The following BRWD3 variants were observed in gnomAD, a reference collection of about 807,000 sequenced individuals.
The protein encoded by BRWD3 is bromodomain and WD repeat-containing protein 3.
A neutral mutation model predicts 149.7 loss-of-function variants in BRWD3; 10 were observed. That is an observed-to-expected ratio of 0.07 (90% confidence interval 0.04 to 0.11). The LOEUF is 0.11. BRWD3 is among the 10% of genes least tolerant of loss of function. BRWD3 has a pLI of 1.00. For synonymous variants in BRWD3, 504 were observed against 456.7 expected (o/e 1.10, Z -1.32); for missense variants, 940 against 1,373.2 (o/e 0.68, Z 4.99).
intron 40 of BRWD3, among the ~76,000 whole-genome samples, chrX:80,678,772 A>G (rs1376730974): frequency 8.9e-6 from 1 of 111,846 alleles, no homozygotes; most frequent in Non-Finnish European, 1.9e-5. Context: ...AGGGCTGTAG[A>G]TAATTACAAG....
chrX:80,772,764 T>C (rs1374709073), intron 6 of BRWD3, among the ~76,000 whole-genome samples: 1 of 111,690 alleles, frequency 9.0e-6, no homozygotes, highest in Admixed American at 9.5e-5. Context: ...AAATGAAAGT[T>C]TGCGTTCACA....
intron 12 of BRWD3, among the ~76,000 whole-genome samples, chrX:80,730,388 C>CG (rs2073307460): frequency 3.2e-5 from 1 of 31,210 alleles, no homozygotes; most frequent in African/African-American, 1.2e-4. Context: ...TATTATTTAG[C>CG]AAAAGAAAGA....
chrX:80,680,757 T>A (rs923202307), intron 40 of BRWD3, among the ~76,000 whole-genome samples: 1 of 111,063 alleles, frequency 9.0e-6, no homozygotes, highest in Admixed American at 9.6e-5. Flanking sequence ...TGTGTCTTCA[T>A]GTGCTTGGGG....
chrX:80,774,842 A>G (rs917722134), intron 6 of BRWD3, among the ~76,000 whole-genome samples: 1 of 111,372 alleles, frequency 9.0e-6, no homozygotes, highest in Non-Finnish European at 1.9e-5. Context: ...TTTTCTGTCT[A>G]TATCTATAGT....
chrX:80,737,648 G>A (rs1031942837), intron 8 of BRWD3, among the ~76,000 whole-genome samples: 3 of 111,702 alleles, frequency 2.7e-5, no homozygotes, highest in African/African-American at 6.5e-5. Context: ...GAGACTGGCC[G>A]ATATGGCAAA....
chrX:80,679,312 G>C (rs929180230), intron 40 of BRWD3, among the ~76,000 whole-genome samples: 5 of 112,296 alleles, frequency 4.5e-5, no homozygotes, highest in African/African-American at 1.3e-4. Context: ...GATAAATGAA[G>C]AGTCAAAAAA....
chrX:80,771,677 G>A (rs1569281801), intron 6 of BRWD3, among the ~76,000 whole-genome samples: 2 of 111,688 alleles, frequency 1.8e-5, no homozygotes, highest in Non-Finnish European at 3.8e-5. Flanking sequence ...AGAGTGAACA[G>A]GCAACCTACA....
At chrX:80,769,391 T>A (rs1336257059) in intron 6 of BRWD3, among the ~76,000 whole-genome samples, 2 of 111,571 alleles carry the variant, frequency 1.8e-5, no homozygotes, top group Admixed American at 1.9e-4. Context: ...TAACAAACTG[T>A]CTCTCAGACC....
At chrX:80,711,091 A>C (rs979996507) in intron 20 of BRWD3, among the ~76,000 whole-genome samples, 1 of 112,158 alleles carries the variant, frequency 8.9e-6, no homozygotes, top group African/African-American at 3.2e-5. Flanking sequence ...TATAGGATGA[A>C]GCAAGACATT....
At chrX:80,777,593 C>T (rs1298879191) in intron 6 of BRWD3, among the ~76,000 whole-genome samples, 1 of 110,254 alleles carries the variant, frequency 9.1e-6, no homozygotes, top group Non-Finnish European at 1.9e-5. Flanking sequence ...GAGACAGGGT[C>T]TCACCACGCT....
intron 12 of BRWD3, among the ~76,000 whole-genome samples, chrX:80,730,241 AC>A (rs1464950115): frequency 4.5e-5 from 5 of 110,037 alleles, no homozygotes; most frequent in African/African-American, 1.7e-4. Context: ...AGTAATGAAA[AC>A]ATAAGTCCAC....
At chrX:80,739,760 C>A (rs1204808752) in intron 8 of BRWD3, among the ~76,000 whole-genome samples, 1 of 111,315 alleles carries the variant, frequency 9.0e-6, no homozygotes, top group East Asian at 2.8e-4. Context: ...AAATTAGGCA[C>A]AGTAGGAAAT....
chrX:80,795,536 T>C (rs971935606), intron 4 of BRWD3, among the ~76,000 whole-genome samples: 1 of 109,227 alleles, frequency 9.2e-6, no homozygotes, highest in Non-Finnish European at 1.9e-5. Context: ...TATGTGTGTA[T>C]ATATATGCCA....
intron 6 of BRWD3, among the ~76,000 whole-genome samples, chrX:80,764,545 C>T (rs1301832019): frequency 1.8e-5 from 2 of 109,369 alleles, no homozygotes; most frequent in Non-Finnish European, 3.8e-5. Context: ...GATCTCCTGA[C>T]CTCGTGATCT....
Position 80,809,732 on chromosome X carries a change from AGAGAAG to A in BRWD3, c.-267_-262del, listed in dbSNP as rs1166859239. On this transcript the variant is annotated 5_prime_UTR_variant, in exon 1 of 41. Coordinates refer to ENST00000373275, the MANE Select transcript of BRWD3 (RefSeq NM_153252.5). ...GAGAGTGAGTGAGTGAGAGAGAGAG[AGAGAAG>A]AGAGAGAGAGAGAGAGGAAAAAGAG... is the stretch of plus-strand genomic sequence containing the variant. 4.8e-5 allele frequency: 9 copies of A among 186,197 alleles called. No individual in the cohort carries two copies. Among genetic ancestry groups the A allele is most frequent in the African/African-American group, 8.5e-5 (2 of 23,553 alleles). The allele number at this position is 186,197 out of a possible 1,213,427, so 15.3% of individuals were successfully genotyped here.
chrX:80,806,230 G>T (rs2074347185), intron 4 of BRWD3, among the ~76,000 whole-genome samples: 1 of 110,595 alleles, frequency 9.0e-6, no homozygotes, highest in Non-Finnish European at 1.9e-5. Context: ...CAAACTCTGT[G>T]TACGTAAAAA....
At chrX:80,768,488 T>C (rs903683303) in intron 6 of BRWD3, among the ~76,000 whole-genome samples, 5 of 111,385 alleles carry the variant, frequency 4.5e-5, no homozygotes, top group Non-Finnish European at 9.4e-5. Context: ...CTAAGCTTCA[T>C]AAGTGAAGGA....
At chrX:80,769,013 A>G (rs2073901137) in intron 6 of BRWD3, among the ~76,000 whole-genome samples, 1 of 112,139 alleles carries the variant, frequency 8.9e-6, no homozygotes, top group South Asian at 3.7e-4. Flanking sequence ...ACATAATGGT[A>G]AAGGGATCAA....
chrX:80,717,180 A>G, intron 19 of BRWD3: 1 of 130,606 alleles, frequency 7.7e-6, no homozygotes, highest in Non-Finnish European at 1.5e-5. Flanking sequence ...CCTAAATGAC[A>G]TTTCTAAAGA....
Sources: allele counts gnomAD v4.1 joint callset (sites outside exome capture counted in the v4.1 genomes callset), GRCh38; gene constraint gnomAD v4.1.1; transcripts MANE v1.5; gene names NCBI Gene and HGNC (gene_info 2026-07-23, HGNC 2026-07-21).